Variants in OR51B5 observed in about 807,000 individuals in gnomAD.
OR51B5 encodes the protein olfactory receptor 51B5.
For synonymous variants in OR51B5, 186 were observed against 144.8 expected (o/e 1.28, Z -2.04); for missense variants, 456 against 374.6 (o/e 1.22, Z -1.79).
At chr11:5,457,133 C>T (rs115480541) in intron 1 of OR51B5, among the ~76,000 whole-genome samples, 2,402 of 152,302 alleles carry the variant, frequency 0.016, 61 homozygotes, top group African/African-American at 0.054. Flanking sequence ...ATACTCTTCC[C>T]ACAATGCCCC....
chr11:5,376,687 C>T (rs147705859), intron 1 of OR51B5, among the ~76,000 whole-genome samples: 40,436 of 151,298 alleles, frequency 0.27, 5,659 homozygotes, highest in African/African-American at 0.32. Context: ...AACACCTCTA[C>T]GCAAATAAAC....
rs770416907 is a variant in OR51B5 at position 5,489,518 on chromosome 11, A to C, written n.84+16051T>G. ...CTCACCCACCGCTTTGGTCACCACG[A>C]AGTCCCCAAGCATGTGCACATCTTT... On this transcript the variant is annotated intron_variant and non_coding_transcript_variant, in intron 1 of 4. Transcript: ENST00000415970. 4.3e-6 allele frequency: 7 copies of C among 1,613,858 alleles called. No homozygotes were observed. In the African/African-American group the frequency reaches 6.7e-5, roughly 15 times the overall value.
intron 1 of OR51B5, among the ~76,000 whole-genome samples, chr11:5,419,941 A>G (rs1850305965): frequency 6.6e-6 from 1 of 151,566 alleles, no homozygotes. Context: ...TATAAAGATT[A>G]TAATTAGAGC....
At chr11:5,357,465 G>C (rs1179875679) in intron 1 of OR51B5, among the ~76,000 whole-genome samples, 3 of 151,962 alleles carry the variant, frequency 2.0e-5, no homozygotes, top group Non-Finnish European at 4.4e-5. Context: ...GGAACACCCA[G>C]GTTCATAAAG....
intron 1 of OR51B5, among the ~76,000 whole-genome samples, chr11:5,484,872 G>C (rs1392640870): frequency 1.3e-5 from 2 of 152,162 alleles, no homozygotes; most frequent in Non-Finnish European, 2.9e-5. Flanking sequence ...GGCAATGTGA[G>C]AATAAACCTG....
At chr11:5,502,101 T>C (rs1216621678) in intron 1 of OR51B5, among the ~76,000 whole-genome samples, 2 of 152,222 alleles carry the variant, frequency 1.3e-5, no homozygotes, top group Non-Finnish European at 1.5e-5. Flanking sequence ...CTTCTTGTCA[T>C]ACACACGTCA....
At chr11:5,454,500 C>T in intron 1 of OR51B5, 1 of 1,220,040 alleles carries the variant, frequency 8.2e-7, no homozygotes, top group Non-Finnish European at 1.2e-6. Flanking sequence ...TCATCATCAT[C>T]AAAGTATAAG....
At chr11:5,358,087 G>A (rs1044063321) in intron 1 of OR51B5, among the ~76,000 whole-genome samples, 1 of 151,462 alleles carries the variant, frequency 6.6e-6, no homozygotes, top group Non-Finnish European at 1.5e-5. Context: ...AAGAACTAGA[G>A]AAGCAAGAGC....
At chr11:5,480,511 G>C (rs1851401614) in intron 1 of OR51B5, among the ~76,000 whole-genome samples, 1 of 150,016 alleles carries the variant, frequency 6.7e-6, no homozygotes, top group Non-Finnish European at 1.5e-5. Context: ...TAAAATCAGA[G>C]CAGAACTGAA....
chr11:5,454,347 C>G, intron 1 of OR51B5: 1 of 1,614,112 alleles, frequency 6.2e-7, no homozygotes, highest in Non-Finnish European at 8.5e-7. Flanking sequence ...GCCTCCTGTG[C>G]TCAACCCTCT....
chr11:5,474,396 G>C (rs1851273102), intron 1 of OR51B5, among the ~76,000 whole-genome samples: 1 of 152,088 alleles, frequency 6.6e-6, no homozygotes, highest in Non-Finnish European at 1.5e-5. Flanking sequence ...AGACTTGAAG[G>C]ACAACAATAA....
chr11:5,355,627 T>C (rs1849181494), intron 1 of OR51B5: 1 of 152,282 alleles, frequency 6.6e-6, no homozygotes, highest in Non-Finnish European at 1.5e-5. Context: ...AGGAAAAATA[T>C]CATCTTCACA....
rs1186453631 is a variant in OR51B5, at chr11:5,398,747, G to A, written n.85-51837C>T. Among the ~76,000 whole-genome samples, 4 of 152,064 alleles carry A rather than the reference G, an allele frequency of 2.6e-5. No individual in the cohort carries two copies. In the East Asian group the frequency reaches 7.7e-4, roughly 29 times the overall value. ...TCATGAGATCTGATGGTTTTATAAG[G>A]CAGTTTTCCCTCTTCTTGCTCACTC... On this transcript the variant is annotated intron_variant and non_coding_transcript_variant, in intron 1 of 4. Transcript: ENST00000415970.
At chr11:5,403,259 G>A (rs1175574930) in intron 1 of OR51B5, 4 of 471,510 alleles carry the variant, frequency 8.5e-6, no homozygotes, top group Middle Eastern at 6.5e-4. Context: ...TCTCCTATGG[G>A]CTCATACTCC....
Position 5,452,423 on chromosome 11 carries a change from G to A in OR51B5, n.84+53146C>T, listed in dbSNP as rs1030466691. Among the ~76,000 whole-genome samples the A allele has an allele frequency of 1.4e-4, 21 of 145,264 alleles. No homozygotes were observed. The South Asian group carries it at 3.3e-3, about 23-fold the overall frequency. ...CGGGAGGCTGAGGCAGAAGAATGGCGTGAACCCGGGAGGTGGAGTTGCAGT... is the reference window on the plus strand; with the variant it reads ...CGGGAGGCTGAGGCAGAAGAATGGCATGAACCCGGGAGGTGGAGTTGCAGT... On this transcript the variant is annotated intron_variant and non_coding_transcript_variant, in intron 1 of 4. Coordinates refer to the OR51B5 transcript ENST00000415970.
At chr11:5,453,513 C>A (rs771779740) in intron 1 of OR51B5, 6 of 1,572,166 alleles carry the variant, frequency 3.8e-6, no homozygotes, top group Non-Finnish European at 5.2e-6. Flanking sequence ...TGTCACTCAC[C>A]CTGCATTCTT....
chr11:5,362,482 A>G (rs79793436), intron 1 of OR51B5: 4,697 of 155,296 alleles, frequency 0.03, 241 homozygotes, highest in African/African-American at 0.11. Flanking sequence ...ACTGGATACT[A>G]TGAATCAGAA....
At chr11:5,427,581 G>A (rs1407714867) in intron 1 of OR51B5, among the ~76,000 whole-genome samples, 1 of 152,162 alleles carries the variant, frequency 6.6e-6, no homozygotes, top group Non-Finnish European at 1.5e-5. Context: ...TGCTCTGTAA[G>A]CTAGGAGCAC....
intron 1 of OR51B5, among the ~76,000 whole-genome samples, chr11:5,350,394 C>T (rs1849060391): frequency 6.6e-6 from 1 of 152,116 alleles, no homozygotes; most frequent in Non-Finnish European, 1.5e-5. Flanking sequence ...CATCAATATG[C>T]TCTTTCAATA....
Sources: allele counts gnomAD v4.1 joint callset (sites outside exome capture counted in the v4.1 genomes callset), GRCh38; gene constraint gnomAD v4.1.1; transcripts MANE v1.5; gene names NCBI Gene and HGNC (gene_info 2026-07-23, HGNC 2026-07-21).